Variants in USP49 observed in about 807,000 individuals in gnomAD.
The protein encoded by USP49 is ubiquitin specific peptidase 49.
In USP49, 24 loss-of-function variants were observed where a neutral mutation model predicts 58.6. That is an observed-to-expected ratio of 0.41 (90% CI 0.30 to 0.58). The LOEUF (loss-of-function observed/expected upper bound fraction) is 0.58, where lower values mean the gene tolerates loss of function less well. USP49 is among the 20% of genes least tolerant of loss of function. The probability of loss-of-function intolerance (pLI) is 0.30; values close to 1 mark genes in which losing one functional copy is unlikely to be tolerated. For missense variants in USP49, 703 were observed against 866.1 expected (o/e 0.81, Z 2.36); for synonymous variants, 408 against 365.1 (o/e 1.12, Z -1.34).
At chr6:41,874,172 A>T (rs1774461756) in intron 2 of USP49, 1 of 152,194 alleles carries the variant, frequency 6.6e-6, no homozygotes, top group Admixed American at 6.5e-5. Flanking sequence ...AGTCAACATC[A>T]TGGTGTCCAT....
intron 3 of USP49, among the ~76,000 whole-genome samples, chr6:41,812,953 TTCA>T (rs1238133829): frequency 6.6e-6 from 1 of 152,098 alleles, no homozygotes; most frequent in Non-Finnish European, 1.5e-5. Context: ...AGATAGAGAA[TTCA>T]TTATTATTAC....
chr6:41,816,656 G>A (rs1311258010), intron 3 of USP49, among the ~76,000 whole-genome samples: 1 of 152,034 alleles, frequency 6.6e-6, no homozygotes, highest in Non-Finnish European at 1.5e-5. Flanking sequence ...CTCATGTAAA[G>A]TAAAAACCTG....
chr6:41,865,803 C>A (rs1438528663), intron 3 of USP49, among the ~76,000 whole-genome samples: 1 of 119,038 alleles, frequency 8.4e-6, no homozygotes. Context: ...CATGCCTGGC[C>A]TTTTTTTTTT....
intron 3 of USP49, among the ~76,000 whole-genome samples, chr6:41,866,706 A>C (rs184223554): frequency 6.6e-6 from 1 of 152,290 alleles, no homozygotes. Context: ...GATTAAGGAA[A>C]ACAGCTGTAT....
rs1271367573 is a variant in USP49 at position 41,815,874 on chromosome 6, A to T, written c.-28-8863T>A. ...AGTGTCTAATCATAGGTTACAGCAGATGTAAGGTTATGCCAGCATGATAAT... is the reference window on the plus strand; with the variant it reads ...AGTGTCTAATCATAGGTTACAGCAGTTGTAAGGTTATGCCAGCATGATAAT... On this transcript the variant is annotated intron_variant, in intron 3 of 7. Transcript: ENST00000682992. 2.0e-5 allele frequency among the ~76,000 whole-genome samples: 3 copies of T among 152,212 alleles called. No homozygotes were observed. In the East Asian group the frequency reaches 5.8e-4, roughly 29 times the overall value.
Position 41,803,519 on chromosome 6 carries a change from G to T in USP49, c.1561+287C>A, listed in dbSNP as rs1264337020. 6.6e-6 allele frequency among the ~76,000 whole-genome samples: 1 copy of T among 152,172 alleles called. No homozygotes were observed. Among genetic ancestry groups the T allele is most frequent in the Non-Finnish European group, 1.5e-5 (1 of 68,034 alleles). On this transcript the variant is annotated intron_variant, in intron 5 of 7. Transcript: ENST00000682992. This position sits in a 1 kb window ranked among gnomAD's most constrained non-coding sequence, Gnocchi z 4.1. Reference sequence around the variant, plus strand: ...GGGTTTCACCATGTTGGTCAGGCTGGTCTCAAACTCCTGACCTCAAGTGAT... The same window carrying T: ...GGGTTTCACCATGTTGGTCAGGCTGTTCTCAAACTCCTGACCTCAAGTGAT...
chr6:41,810,328 A>AC (rs1175229058), intron 3 of USP49, among the ~76,000 whole-genome samples: 3 of 149,352 alleles, frequency 2.0e-5, no homozygotes, highest in Admixed American at 1.3e-4. Flanking sequence ...TAAAAAAAAA[A>AC]ACACAAAAAA....
rs1402358961 is a variant in USP49 at position 41,792,832 on chromosome 6, T to C, written c.*3701A>G. ...CTTTCCCTTAATCTTTTCAATTCCA[T>C]GCAAACCGTAATTGAGTACAAGGCA... On this transcript the variant is annotated 3_prime_UTR_variant, in exon 8 of 8. Transcript: ENST00000682992. 7 of 152,242 alleles carry C rather than the reference T, an allele frequency of 4.6e-5. No individual in the cohort carries two copies. Among genetic ancestry groups the C allele is most frequent in the Non-Finnish European group, 8.8e-5 (6 of 68,044 alleles). 9.4% of individuals were successfully genotyped at this position (152,242 alleles called of 1,614,324 possible). A position where few individuals can be genotyped will look rare whatever the true frequency, so the allele number is the denominator to read the frequency against.
At chr6:41,870,107 G>A (rs530834748) in intron 3 of USP49, among the ~76,000 whole-genome samples, 2 of 152,296 alleles carry the variant, frequency 1.3e-5, no homozygotes, top group Non-Finnish European at 2.9e-5. Flanking sequence ...TGTGTGGATG[G>A]CTGGCACATA....
At chr6:41,874,102 AACT>A (rs1774460953) in intron 2 of USP49, 2 of 152,218 alleles carry the variant, frequency 1.3e-5, no homozygotes, top group South Asian at 4.1e-4. Context: ...AAACATGCTG[AACT>A]CTCAGGGGCT....
At chr6:41,802,468 ATTT>A (rs1178634996) in intron 5 of USP49, among the ~76,000 whole-genome samples, 2,169 of 73,296 alleles carry the variant, frequency 0.03, 106 homozygotes, top group East Asian at 0.084. Context: ...TTATTTATTT[ATTT>A]TTTATTTATT....
At chr6:41,849,913 C>G (rs1334206110) in intron 3 of USP49, among the ~76,000 whole-genome samples, 1 of 151,944 alleles carries the variant, frequency 6.6e-6, no homozygotes, top group Non-Finnish European at 1.5e-5. Context: ...CACAAAGTAT[C>G]TTTTCTAATG....
intron 2 of USP49, among the ~76,000 whole-genome samples, chr6:41,890,121 G>C (rs1385074916): frequency 6.6e-6 from 1 of 152,210 alleles, no homozygotes; most frequent in East Asian, 1.9e-4. Flanking sequence ...AGCTGGGCAC[G>C]GTGGCTCACG....
intron 3 of USP49, among the ~76,000 whole-genome samples, chr6:41,855,317 C>T (rs959483912): frequency 1.8e-4 from 27 of 151,538 alleles, no homozygotes; most frequent in Non-Finnish European, 3.4e-4. Flanking sequence ...GAGTTCAAGG[C>T]CTGCCTGACC....
chr6:41,875,884 A>G (rs1460542927), intron 2 of USP49, among the ~76,000 whole-genome samples: 1 of 152,076 alleles, frequency 6.6e-6, no homozygotes, highest in Admixed American at 6.5e-5. Context: ...GGCACGCACC[A>G]CCACACCCGG....
chr6:41,876,561 G>A (rs897284256), intron 2 of USP49, among the ~76,000 whole-genome samples: 6 of 151,998 alleles, frequency 3.9e-5, no homozygotes, highest in South Asian at 2.1e-4. Flanking sequence ...CTACAGGTGC[G>A]TGCCACCACA....
rs1340072174 is a variant in USP49, at chr6:41,791,586, C to T, written c.*4947G>A. On this transcript the variant is annotated 3_prime_UTR_variant, in exon 8 of 8. Transcript: ENST00000682992. Reference sequence around the variant, plus strand: ...CCCCAAGGAAAGTCAATTTGATATCCTGTCACACTTTTCAGCCCTGGCTAG... The same window carrying T: ...CCCCAAGGAAAGTCAATTTGATATCTTGTCACACTTTTCAGCCCTGGCTAG... 3.3e-5 allele frequency: 5 copies of T among 152,220 alleles called. No homozygotes were observed. The highest frequency in any genetic ancestry group is 1.2e-4 in the African/African-American group (5 of 41,454). 9.4% of individuals were successfully genotyped at this position (152,220 alleles called of 1,614,324 possible). A position where few individuals can be genotyped will look rare whatever the true frequency, so the allele number is the denominator to read the frequency against.
chr6:41,854,427 G>A (rs749702530), intron 3 of USP49, among the ~76,000 whole-genome samples: 2 of 151,752 alleles, frequency 1.3e-5, no homozygotes, highest in African/African-American at 2.4e-5. Flanking sequence ...TCTATCCCAA[G>A]GTAATTTATT....
At chr6:41,812,237 G>A (rs1189183049) in intron 3 of USP49, among the ~76,000 whole-genome samples, 3 of 151,722 alleles carry the variant, frequency 2.0e-5, no homozygotes, top group South Asian at 4.2e-4. Flanking sequence ...GCGCCACCAC[G>A]CCCGGCTAAT....
Sources: gnomAD v4.1 joint callset for allele counts (sites outside exome capture counted in the v4.1 genomes callset) on GRCh38, gnomAD v4.1.1 for gene constraint, Gnocchi (gnomAD v3.1) non-coding constraint, MANE v1.5 for transcripts, NCBI Gene and HGNC (gene_info 2026-07-23, HGNC 2026-07-21) for gene names.